The following CHST8 variants were observed in gnomAD, a reference collection of about 807,000 sequenced individuals.
CHST8 encodes carbohydrate sulfotransferase 8.
CHST8 carries 10 observed loss-of-function variants against 15.0 expected under a neutral mutation model. The ratio of observed to expected loss-of-function variants is 0.67; its 90% CI spans 0.41 to 1.13. CHST8 has a LOEUF of 1.13. Ranked by LOEUF, CHST8 falls within the 50% of genes most tolerant of loss-of-function variation. The pLI is 0.00. For missense variants in CHST8, 634 were observed against 608.2 expected (o/e 1.04, Z -0.45); for synonymous variants, 259 against 256.6 (o/e 1.01, Z -0.09).
chr19:33,680,948 G>A (rs773648471), intron 2 of CHST8, among the ~76,000 whole-genome samples: 1 of 152,104 alleles, frequency 6.6e-6, no homozygotes, highest in Non-Finnish European at 1.5e-5. Context: ...AAATAATGCA[G>A]AGAAATCCCA....
chr19:33,706,856 C>T (rs1973457090), intron 3 of CHST8, among the ~76,000 whole-genome samples: 2 of 152,208 alleles, frequency 1.3e-5, no homozygotes. Flanking sequence ...CAGGCCTCGT[C>T]CCTTCACTGG....
At chr19:33,661,525 C>G (rs1972584431) in intron 1 of CHST8, among the ~76,000 whole-genome samples, 1 of 152,180 alleles carries the variant, frequency 6.6e-6, no homozygotes, top group South Asian at 2.1e-4. Flanking sequence ...ATGGAGGGTC[C>G]ATCGAGCCCT....
chr19:33,724,016 TGA>T (rs1163632236), intron 3 of CHST8, among the ~76,000 whole-genome samples: 42 of 152,238 alleles, frequency 2.8e-4, no homozygotes, highest in Admixed American at 2.6e-3. Flanking sequence ...GGACAGAAAC[TGA>T]GTGTGGGTAC....
At chr19:33,626,497 G>A (rs1225531894) in intron 1 of CHST8, among the ~76,000 whole-genome samples, 1 of 152,208 alleles carries the variant, frequency 6.6e-6, no homozygotes, top group Admixed American at 6.5e-5. Flanking sequence ...CAGTGTTAGA[G>A]GTGGGGCCTG....
chr19:33,743,867 C>G (rs542441851), intron 3 of CHST8, among the ~76,000 whole-genome samples: 7 of 151,164 alleles, frequency 4.6e-5, no homozygotes, highest in African/African-American at 1.7e-4. Context: ...TCTCGGTTCA[C>G]TGCAACCTCT....
At chr19:33,730,926 G>A (rs564135626) in intron 3 of CHST8, among the ~76,000 whole-genome samples, 6 of 152,178 alleles carry the variant, frequency 3.9e-5, no homozygotes, top group African/African-American at 9.7e-5. Context: ...TCCGATGTTC[G>A]AGGGCAGGAA....
intron 1 of CHST8, among the ~76,000 whole-genome samples, chr19:33,630,659 C>A (rs1972110992): frequency 6.6e-6 from 1 of 151,678 alleles, no homozygotes; most frequent in Admixed American, 6.6e-5. Flanking sequence ...GATGACGGAG[C>A]CAGCACGTGG....
At chr19:33,695,554 G>C (rs1223237281) in intron 3 of CHST8, among the ~76,000 whole-genome samples, 1 of 151,970 alleles carries the variant, frequency 6.6e-6, no homozygotes. Flanking sequence ...GTAATCTTTT[G>C]TCCCTCACCC....
intron 2 of CHST8, among the ~76,000 whole-genome samples, chr19:33,683,585 A>G (rs1972926892): frequency 6.6e-6 from 1 of 152,188 alleles, no homozygotes; most frequent in Non-Finnish European, 1.5e-5. Context: ...AGCTCCCTGA[A>G]ACATAGATGA....
At chr19:33,766,122 C>T (rs969737544) in intron 3 of CHST8, among the ~76,000 whole-genome samples, 7 of 151,956 alleles carry the variant, frequency 4.6e-5, no homozygotes, top group Non-Finnish European at 1.0e-4. Context: ...AAAATCAACC[C>T]GTCTCGCTCT....
chr19:33,730,194 C>T (rs973377392), intron 3 of CHST8, among the ~76,000 whole-genome samples: 4 of 152,126 alleles, frequency 2.6e-5, no homozygotes, highest in Non-Finnish European at 4.4e-5. Flanking sequence ...GTCGAGAACC[C>T]GGCGTGCAAT....
chr19:33,641,107 G>A (rs953932076), intron 1 of CHST8, among the ~76,000 whole-genome samples: 2 of 152,172 alleles, frequency 1.3e-5, no homozygotes, highest in African/African-American at 4.8e-5. Flanking sequence ...CACTGCTGTC[G>A]GCTTCTCTCT....
At chr19:33,770,086 T>C (rs1202945172) in intron 3 of CHST8, among the ~76,000 whole-genome samples, 1 of 152,054 alleles carries the variant, frequency 6.6e-6, no homozygotes, top group African/African-American at 2.4e-5. Context: ...CAGCCTTACA[T>C]TGTCTGGGGC....
chr19:33,696,887 C>A (rs1973229211), intron 3 of CHST8, among the ~76,000 whole-genome samples: 1 of 150,654 alleles, frequency 6.6e-6, no homozygotes, highest in Admixed American at 6.6e-5. Flanking sequence ...GTTGCCCAGG[C>A]TAGAGTCCAA....
intron 2 of CHST8, among the ~76,000 whole-genome samples, chr19:33,677,179 G>A (rs1450608945): frequency 6.6e-6 from 1 of 152,106 alleles, no homozygotes; most frequent in African/African-American, 2.4e-5. Context: ...ACTGGGGCAT[G>A]AGTGTGGGGT....
At chr19:33,760,289 TC>T (rs74853384) in intron 3 of CHST8, among the ~76,000 whole-genome samples, 84,976 of 86,396 alleles carry the variant, frequency 0.98, 41,785 homozygotes, top group Non-Finnish European at 0.99. Flanking sequence ...CCTCCTTCCT[TC>T]CCTCCCTTCC....
chr19:33,728,047 C>CT (rs1568345277), intron 3 of CHST8, among the ~76,000 whole-genome samples: 1 of 152,268 alleles, frequency 6.6e-6, no homozygotes, highest in African/African-American at 2.4e-5. Context: ...TTCGCTCCCA[C>CT]GGCAGGTTCA....
At chr19:33,640,960 A>ATCCCATCCCACCG (rs1555710774) in intron 1 of CHST8, among the ~76,000 whole-genome samples, 1 of 151,720 alleles carries the variant, frequency 6.6e-6, no homozygotes, top group East Asian at 1.9e-4. Flanking sequence ...CCAAAGTCAC[A>ATCCCATCCCACCG]CCCCATCCCA....
At chr19:33,623,157 C>G (rs1456179739) in intron 1 of CHST8, among the ~76,000 whole-genome samples, 1 of 152,052 alleles carries the variant, frequency 6.6e-6, no homozygotes, top group East Asian at 1.9e-4. Context: ...CCCTAACTTT[C>G]GCGTACATCT....
Sources: allele counts gnomAD v4.1 joint callset (sites outside exome capture counted in the v4.1 genomes callset), GRCh38; gene constraint gnomAD v4.1.1; transcripts MANE v1.5; gene names NCBI Gene and HGNC (gene_info 2026-07-23, HGNC 2026-07-21).